Variants in SPMAP2L observed in about 807,000 individuals in gnomAD.
The protein encoded by SPMAP2L is sperm microtubule associated protein 2-like.
chr4:56,602,897 C>T, the SPMAP2L span, among the ~76,000 whole-genome samples: 1 of 152,068 alleles, frequency 6.6e-6, no homozygotes, highest in South Asian at 2.1e-4. Flanking sequence ...GTAAATGATA[C>T]ATAGGGGATA....
At chr4:56,625,371 T>G in the SPMAP2L span, among the ~76,000 whole-genome samples, 2 of 152,342 alleles carry the variant, frequency 1.3e-5, no homozygotes, top group African/African-American at 4.8e-5. Flanking sequence ...TGAAATGAGT[T>G]AAGACTTTGG....
At chr4:56,534,401 G>A in the SPMAP2L span, among the ~76,000 whole-genome samples, 131 of 152,196 alleles carry the variant, frequency 8.6e-4, no homozygotes, top group African/African-American at 3.1e-3. Flanking sequence ...AGTTTCCTTT[G>A]CTGAATCCTC....
the SPMAP2L span, among the ~76,000 whole-genome samples, chr4:56,618,829 C>G: frequency 2.0e-5 from 3 of 152,146 alleles, no homozygotes. Flanking sequence ...ATTCTTCTGC[C>G]AGCCGGGGTG....
At chr4:56,593,244 T>C in the SPMAP2L span, 3 of 1,282,614 alleles carry the variant, frequency 2.3e-6, no homozygotes, top group South Asian at 1.2e-5. Flanking sequence ...AGTGCATCCC[T>C]GCTGGATGAG....
chr4:56,607,309 A>G, the SPMAP2L span, among the ~76,000 whole-genome samples: 1 of 152,162 alleles, frequency 6.6e-6, no homozygotes, highest in African/African-American at 2.4e-5. Context: ...CCGTCTTGGA[A>G]GCAAAGAACA....
the SPMAP2L span, among the ~76,000 whole-genome samples, chr4:56,532,550 T>G: frequency 2.3e-4 from 35 of 152,184 alleles, no homozygotes; most frequent in Non-Finnish European, 3.2e-4. Context: ...CTTGACCCCA[T>G]GTCATTTTCA....
chr4:56,571,136 A>G, the SPMAP2L span, among the ~76,000 whole-genome samples: 1 of 151,346 alleles, frequency 6.6e-6, no homozygotes, highest in African/African-American at 2.4e-5. Flanking sequence ...TTAAAAAAAA[A>G]AACAAAAAAC....
the SPMAP2L span, among the ~76,000 whole-genome samples, chr4:56,553,638 T>G: frequency 6.7e-6 from 1 of 149,620 alleles, no homozygotes; most frequent in Non-Finnish European, 1.5e-5. Context: ...CTTGCATTAT[T>G]GTGGTACAAT....
At chr4:56,601,109 G>T in the SPMAP2L span, 1 of 1,532,448 alleles carries the variant, frequency 6.5e-7, no homozygotes, top group South Asian at 1.2e-5. Flanking sequence ...CCAAATAAGA[G>T]GTATGTCAAT....
At chr4:56,615,132 G>A in the SPMAP2L span, among the ~76,000 whole-genome samples, 1 of 152,208 alleles carries the variant, frequency 6.6e-6, no homozygotes, top group Admixed American at 6.5e-5. Flanking sequence ...TCCCAATCTG[G>A]TGGGTCAGGC....
the SPMAP2L span, among the ~76,000 whole-genome samples, chr4:56,621,172 G>A: frequency 6.6e-6 from 1 of 150,672 alleles, no homozygotes; most frequent in Non-Finnish European, 1.5e-5. Context: ...ATTAATTTAG[G>A]AGACTGCCTA....
the SPMAP2L span, among the ~76,000 whole-genome samples, chr4:56,596,927 A>AT: frequency 6.6e-6 from 1 of 152,226 alleles, no homozygotes; most frequent in African/African-American, 2.4e-5. Context: ...AAATATTTGG[A>AT]TGCCTACTGT....
At chr4:56,536,986 A>G in the SPMAP2L span, among the ~76,000 whole-genome samples, 1 of 151,358 alleles carries the variant, frequency 6.6e-6, no homozygotes, top group Non-Finnish European at 1.5e-5. Context: ...CTGGTCTTGA[A>G]CTCCTGACCT....
chr4:56,560,580 C>T, the SPMAP2L span, among the ~76,000 whole-genome samples: 1 of 152,172 alleles, frequency 6.6e-6, no homozygotes, highest in East Asian at 1.9e-4. Context: ...GAATCTCCAA[C>T]TCAACAAGTT....
At chr4:56,612,714 G>A in the SPMAP2L span, among the ~76,000 whole-genome samples, 5 of 151,644 alleles carry the variant, frequency 3.3e-5, no homozygotes, top group Admixed American at 2.6e-4. Context: ...CTACAGGTGC[G>A]TGCCTCCACG....
At chr4:56,610,752 GA>G in the SPMAP2L span, among the ~76,000 whole-genome samples, 5 of 150,154 alleles carry the variant, frequency 3.3e-5, no homozygotes, top group South Asian at 2.1e-4. Context: ...AAATCAGTAA[GA>G]AAAAAAAATC....
chr4:56,624,921 G>T, the SPMAP2L span, among the ~76,000 whole-genome samples: 1 of 152,162 alleles, frequency 6.6e-6, no homozygotes, highest in African/African-American at 2.4e-5. Flanking sequence ...AGAGAAGAGG[G>T]TCACTGTCCT....
the SPMAP2L span, among the ~76,000 whole-genome samples, chr4:56,545,146 C>T: frequency 6.6e-6 from 1 of 152,188 alleles, no homozygotes; most frequent in African/African-American, 2.4e-5. Context: ...CTGCTCCACC[C>T]TCCTCCTAAA....
At chr4:56,598,293 C>A in the SPMAP2L span, among the ~76,000 whole-genome samples, 1 of 152,198 alleles carries the variant, frequency 6.6e-6, no homozygotes, top group Non-Finnish European at 1.5e-5. Flanking sequence ...CAAAAGGAGT[C>A]AGTCAGTATA....
Sources: allele counts gnomAD v4.1 joint callset (sites outside exome capture counted in the v4.1 genomes callset), GRCh38; gene constraint gnomAD v4.1.1; transcripts MANE v1.5; gene names NCBI Gene and HGNC (gene_info 2026-07-23, HGNC 2026-07-21).